Variants in RHD observed in about 807,000 individuals in gnomAD.
RHD encodes blood group Rh(D) polypeptide.
RHD carries 16 observed loss-of-function variants against 45.5 expected under a neutral mutation model. The ratio of observed to expected loss-of-function variants is 0.35; its 90% CI spans 0.24 to 0.53. RHD has a LOEUF of 0.53. RHD is among the 20% of genes least tolerant of loss of function. RHD has a pLI of 0.92. For missense variants in RHD, 306 were observed against 532.0 expected, an observed-to-expected ratio of 0.58 and a Z score of 4.18; for synonymous variants, 131 against 217.5, an observed-to-expected ratio of 0.60 and a Z score of 3.50.
rs1641339657 is a variant in RHD at position 25,280,058 on chromosome 1, G to C, written c.149-4515G>C. ...AGAAGTGGGAGGATGAGGGGGCAGG[G>C]GGAGGAGAAGCCTGAAATCAAATGT... On this transcript the variant is annotated intron_variant, in intron 1 of 9. Coordinates refer to ENST00000328664, the MANE Select transcript of RHD (RefSeq NM_016124.6). 1.5e-5 allele frequency among the ~76,000 whole-genome samples: 2 copies of C among 129,572 alleles called. 1 individual carries two copies. The highest frequency in any genetic ancestry group is 5.4e-5 in the African/African-American group (2 of 37,128). The allele number at this position is 129,572 out of a possible 152,430, so 85.0% of individuals were successfully genotyped here.
rs1357501079 is a variant in RHD at position 25,300,970 on chromosome 1, C to T, written c.511C>T (p.His171Tyr). The stretch of plus-strand genomic sequence containing the variant: ...GACAGACTACCACATGAACATGATG[C>T]ACATCTACGTGTTCGCAGCCTATTT... ...FNTDYHMNMM[H>Y]IYVFAAYFGL... Residue 171 changes from histidine (H) to tyrosine (Y), a missense_variant, in exon 4 of 10, where the codon CAC becomes TAC. Coordinates refer to ENST00000328664, the MANE Select transcript of RHD (RefSeq NM_016124.6). The T allele has an allele frequency of 5.8e-6, 8 of 1,373,952 alleles. 2 individuals carry two copies. Among genetic ancestry groups the T allele is most frequent in the Middle Eastern group, 1.8e-4 (1 of 5,478 alleles). The allele number at this position is 1,373,952 out of a possible 1,614,324, so 85.1% of individuals were successfully genotyped here.
chr1:25,321,836 A>T, intron 8 of RHD, 53 bp from the exon 9 acceptor site: 1 of 921,080 alleles, frequency 1.1e-6, no homozygotes, highest in Non-Finnish European at 1.8e-6. Flanking sequence ...TAATCTTGAG[A>T]TTAAAAATCC....
In RHD at chr1:25,305,346, C is replaced by T. The variant is rs866507346; in HGVS notation, c.940-1250C>T. On this transcript the variant is annotated intron_variant, in intron 6 of 9. Transcript: ENST00000328664. ...CTGAAAGATGGGAGGTGCTCAGGCA[C>T]ACTTCCTGGGCTAGTTGAGGAGTCT... Among the ~76,000 whole-genome samples, 25 of 129,330 alleles carry T rather than the reference C, an allele frequency of 1.9e-4. 6 individuals are homozygous for T. Among genetic ancestry groups the T allele is most frequent in the South Asian group, 7.1e-4 (3 of 4,254 alleles). 84.8% of individuals were successfully genotyped at this position (129,330 alleles called of 152,430 possible).
rs1328382096 is a variant in RHD at position 25,323,505 on chromosome 1, C to T, written c.1227+1543C>T. ...ACAGGGTCTCACTCCGCCACCCACA[C>T]CGTAATGCAGTGGCACCATCATGGC... On this transcript the variant is annotated intron_variant, in intron 9 of 9. Coordinates refer to ENST00000328664, the MANE Select transcript of RHD (RefSeq NM_016124.6). Among the ~76,000 whole-genome samples, 4 of 126,410 alleles carry T rather than the reference C, an allele frequency of 3.2e-5. 1 individual carries two copies. The highest frequency in any genetic ancestry group is 1.6e-4 in the Admixed American group (2 of 12,508). The allele number at this position is 126,410 out of a possible 152,430, so 82.9% of individuals were successfully genotyped here. A position where few individuals can be genotyped will look rare whatever the true frequency, so the allele number is the denominator to read the frequency against.
intron 8 of RHD, 144 bp from the exon 9 acceptor site, chr1:25,321,745 C>T (rs1183511295): frequency 4.9e-6 from 2 of 411,492 alleles, no homozygotes. Flanking sequence ...AATGACAGGG[C>T]TTCCATTTAT....
At chr1:25,291,332 G>A (rs1446210171) in intron 3 of RHD, among the ~76,000 whole-genome samples, 1 of 130,988 alleles carries the variant, frequency 7.6e-6, no homozygotes, top group South Asian at 2.4e-4. Context: ...AGCTGGGCAT[G>A]GTGGCAGGCG....
chr1:25,311,098 G>C (rs151179488), intron 7 of RHD, among the ~76,000 whole-genome samples: 1 of 132,686 alleles, frequency 7.5e-6, no homozygotes, highest in African/African-American at 2.6e-5. Context: ...TACTGAAGTC[G>C]TTGAGATCAG....
Position 25,276,936 on chromosome 1 carries a change from G to A in RHD, c.148+4241G>A, listed in dbSNP as rs747854545. On this transcript the variant is annotated intron_variant, in intron 1 of 9. Transcript: ENST00000328664. ...AAAAAAATTAGCCGGGTGTGGTGGC[G>A]GGTGCCTGTAGTCCCAGCTACTTGG... Among the ~76,000 whole-genome samples, 6 of 129,596 alleles carry A rather than the reference G, an allele frequency of 4.6e-5. 2 individuals are homozygous for A. Among genetic ancestry groups the A allele is most frequent in the Non-Finnish European group, 1.1e-4 (6 of 54,826 alleles). The allele number at this position is 129,596 out of a possible 152,430, so 85.0% of individuals were successfully genotyped here. A position where few individuals can be genotyped will look rare whatever the true frequency, so the allele number is the denominator to read the frequency against.
chr1:25,300,639 A>G (rs2124672964), intron 3 of RHD, among the ~76,000 whole-genome samples: 1 of 130,886 alleles, frequency 7.6e-6, no homozygotes, highest in Admixed American at 7.4e-5. Context: ...GTGAAACCCC[A>G]TCTCTACTAA....
At position 25,313,649 on chromosome 1, in the gene RHD, C is replaced by T. The variant is rs1313101198; in HGVS notation, c.1074-3351C>T. ...ACACGTCATGCAGGGCCACACAAAA[C>T]TGTATCATCCAGGGACCAGGCAGCA... On this transcript the variant is annotated intron_variant, in intron 7 of 9. Transcript: ENST00000328664. 3.8e-5 allele frequency among the ~76,000 whole-genome samples: 5 copies of T among 132,284 alleles called. 1 individual carries two copies. Among genetic ancestry groups the T allele is most frequent in the Non-Finnish European group, 9.0e-5 (5 of 55,844 alleles). The allele number at this position is 132,284 out of a possible 152,430, so 86.8% of individuals were successfully genotyped here. A position where few individuals can be genotyped will look rare whatever the true frequency, so the allele number is the denominator to read the frequency against.
rs1376159591 is a variant in RHD at position 25,294,082 on chromosome 1, T to C, written c.486+3291T>C. 3.9e-5 allele frequency: 26 copies of C among 674,586 alleles called. 6 individuals are homozygous for C. Among genetic ancestry groups the C allele is most frequent in the Admixed American group, 5.8e-5 (3 of 51,544 alleles). The allele number at this position is 674,586 out of a possible 1,614,324, so 41.8% of individuals were successfully genotyped here. On this transcript the variant is annotated intron_variant, in intron 3 of 9. Transcript: ENST00000328664. ...CACCAATGGGCTTATCTGTTATTTCTTCCTTATTGTGAGCTTAATGGCATG... is the reference window on the plus strand; with the variant it reads ...CACCAATGGGCTTATCTGTTATTTCCTCCTTATTGTGAGCTTAATGGCATG...
At chr1:25,288,555 C>T (rs1304995381) in intron 2 of RHD, among the ~76,000 whole-genome samples, 1 of 125,748 alleles carries the variant, frequency 8.0e-6, no homozygotes, top group African/African-American at 2.7e-5. Context: ...TAACCAACTC[C>T]TTTATTGTGC....
In RHD at chr1:25,300,489, G is replaced by A. The variant is rs1446727309; in HGVS notation, c.487-457G>A. ...GCCACACCACTGCACTCCAGCTTGA[G>A]CAATGGAGCAAGACTCTGTCTCAAA... is the stretch of plus-strand genomic sequence containing the variant. On this transcript the variant is annotated intron_variant, in intron 3 of 9. Transcript: ENST00000328664. Among the ~76,000 whole-genome samples the A allele has an allele frequency of 7.3e-5, 7 of 96,486 alleles. 2 individuals are homozygous for A. Among genetic ancestry groups the A allele is most frequent in the Admixed American group, 3.1e-4 (3 of 9,612 alleles). The allele number at this position is 96,486 out of a possible 152,430, so 63.3% of individuals were successfully genotyped here. A position where few individuals can be genotyped will look rare whatever the true frequency, so the allele number is the denominator to read the frequency against.
chr1:25,314,932 C>T (rs757765249), intron 7 of RHD, among the ~76,000 whole-genome samples: 2 of 130,726 alleles, frequency 1.5e-5, no homozygotes, highest in African/African-American at 5.2e-5. Context: ...GCAGCCAGCG[C>T]GGTGGCTCAC....
intron 8 of RHD, among the ~76,000 whole-genome samples, chr1:25,321,687 A>ATAAAATAAAATAAAATAAAG (rs1644717282): frequency 8.0e-6 from 1 of 124,590 alleles, no homozygotes; most frequent in South Asian, 2.4e-4. Context: ...ATAAAATAAA[A>ATAAAATAAAATAAAATAAAG]TAAAATAAAA....
intron 1 of RHD, among the ~76,000 whole-genome samples, chr1:25,281,841 A>G (rs1641512281): frequency 7.6e-6 from 1 of 132,386 alleles, no homozygotes; most frequent in Non-Finnish European, 1.8e-5. Flanking sequence ...TTGATTTGGA[A>G]ATGTCAGTGT....
Position 25,314,945 on chromosome 1 carries a change from C to T in RHD, c.1074-2055C>T, listed in dbSNP as rs527297757. ...TTGCAGCCAGCGCGGTGGCTCACAC[C>T]TGTAATCCCAGCACTTTGGGAGGCT... On this transcript the variant is annotated intron_variant, in intron 7 of 9. Coordinates refer to ENST00000328664, the MANE Select transcript of RHD (RefSeq NM_016124.6). Among the ~76,000 whole-genome samples, 29 of 130,948 alleles carry T rather than the reference C, an allele frequency of 2.2e-4. 3 individuals carry two copies. The South Asian group carries it at 5.6e-3, about 25-fold the overall frequency. 85.9% of individuals were successfully genotyped at this position (130,948 alleles called of 152,430 possible). A position where few individuals can be genotyped will look rare whatever the true frequency, so the allele number is the denominator to read the frequency against.
At chr1:25,318,948 T>A (rs1327952200) in intron 8 of RHD, among the ~76,000 whole-genome samples, 1 of 133,408 alleles carries the variant, frequency 7.5e-6, no homozygotes. Context: ...TTGCAGAGTC[T>A]TTGTGAAGAA....
chr1:25,277,953 C>T lies in RHD; in HGVS notation c.148+5258C>T, dbSNP rs1226025159. Among the ~76,000 whole-genome samples the T allele has an allele frequency of 5.3e-5, 7 of 133,258 alleles. 2 individuals are homozygous for T. The highest frequency in any genetic ancestry group is 1.1e-4 in the Non-Finnish European group (6 of 56,052). The allele number at this position is 133,258 out of a possible 152,430, so 87.4% of individuals were successfully genotyped here. A position where few individuals can be genotyped will look rare whatever the true frequency, so the allele number is the denominator to read the frequency against. On this transcript the variant is annotated intron_variant, in intron 1 of 9. Transcript: ENST00000328664. ...CCTCCCAAAGTGCTGGGATTACAGG[C>T]GTGAGCCACCGCGCCTGGCCCAAAA...
Sources: allele counts gnomAD v4.1 joint callset (sites outside exome capture counted in the v4.1 genomes callset), GRCh38; gene constraint gnomAD v4.1.1; transcripts MANE v1.5; gene names NCBI Gene and HGNC (gene_info 2026-07-23, HGNC 2026-07-21).